The following MAST2 variants were observed in gnomAD, a reference collection of about 807,000 sequenced individuals.
The protein encoded by MAST2 is microtubule associated serine/threonine kinase 2, also known as microtubule-associated serine/threonine-protein kinase 2.
MAST2 carries 70 observed loss-of-function variants against 147.4 expected under a neutral mutation model. That is an observed-to-expected ratio of 0.47 (90% CI 0.39 to 0.58). The LOEUF (loss-of-function observed/expected upper bound fraction) is 0.58, where lower values mean the gene tolerates loss of function less well. MAST2 is among the 20% of genes least tolerant of loss of function. The probability of loss-of-function intolerance (pLI) is 0.00; values close to 1 mark genes in which losing one functional copy is unlikely to be tolerated. For missense variants in MAST2, 2,080 were observed against 2,302.3 expected, an observed-to-expected ratio of 0.90 and a Z score of 1.98; for synonymous variants, 869 against 896.8, an observed-to-expected ratio of 0.97 and a Z score of 0.55.
chr1:45,845,290 C>G (rs1557827168), intron 3 of MAST2, among the ~76,000 whole-genome samples: 1 of 152,058 alleles, frequency 6.6e-6, no homozygotes, highest in African/African-American at 2.4e-5. Flanking sequence ...TGTTTTTACT[C>G]TTATACAAAA....
At position 46,031,577 on chromosome 1, in the gene MAST2, T is replaced by C. The variant is rs1220618067; in HGVS notation, c.3179T>C (p.Ile1060Thr). 1 of 1,611,830 alleles carries C rather than the reference T, an allele frequency of 6.2e-7. No individual in the cohort carries two copies. Among genetic ancestry groups the C allele is most frequent in the Non-Finnish European group, 8.5e-7 (1 of 1,178,214 alleles). ...TCAGCCACAGCCCTCTCACTCCTCATTCCTTCGGGTGAGGCCCCTGGGGAG... is the reference window on the plus strand; with the variant it reads ...TCAGCCACAGCCCTCTCACTCCTCACTCCTTCGGGTGAGGCCCCTGGGGAG... ...SASATALSLL[I>T]PSEHHTCSPL... Residue 1060 changes from isoleucine (I) to threonine (T), a missense_variant, in exon 24 of 29, where the codon ATT (isoleucine) becomes ACT (threonine). By Grantham distance (89) the Ile-to-Thr change is moderately conservative. Transcript: ENST00000361297. The surrounding 1 kb of genome is among the most constrained non-coding windows in gnomAD (Gnocchi z 4.1).
intron 1 of MAST2, among the ~76,000 whole-genome samples, chr1:45,808,200 T>A (rs1374024607): frequency 3.3e-5 from 5 of 152,222 alleles, no homozygotes; most frequent in Non-Finnish European, 5.9e-5. Context: ...TTCCTTTTTG[T>A]CATCCAACAT....
At chr1:45,904,607 A>G (rs1190380349) in intron 4 of MAST2, among the ~76,000 whole-genome samples, 1 of 152,048 alleles carries the variant, frequency 6.6e-6, no homozygotes, top group Admixed American at 6.6e-5. Context: ...CTGGGACTAT[A>G]GACACATGCC....
intron 4 of MAST2, among the ~76,000 whole-genome samples, chr1:45,931,993 G>A (rs1655394060): frequency 6.6e-6 from 1 of 152,182 alleles, no homozygotes; most frequent in Admixed American, 6.5e-5. Context: ...ACCCAGCAAT[G>A]TTGTGTTCTT....
intron 1 of MAST2, among the ~76,000 whole-genome samples, chr1:45,822,187 C>G (rs1217407172): frequency 6.6e-6 from 1 of 152,058 alleles, no homozygotes; most frequent in Admixed American, 6.6e-5. Flanking sequence ...CCGTGCCTGG[C>G]TATTTTCAGT....
intron 3 of MAST2, among the ~76,000 whole-genome samples, chr1:45,831,916 A>G (rs1042754767): frequency 6.6e-6 from 1 of 151,476 alleles, no homozygotes; most frequent in African/African-American, 2.4e-5. Context: ...AGTAGCTGGG[A>G]TTACAGGTGC....
chr1:46,005,761 T>C (rs1169031550), intron 7 of MAST2, among the ~76,000 whole-genome samples: 2 of 152,194 alleles, frequency 1.3e-5, no homozygotes, highest in African/African-American at 4.8e-5. Flanking sequence ...GCACAATACA[T>C]TGGCCAGCTT....
chr1:45,868,808 A>C (rs1646265191), intron 3 of MAST2, among the ~76,000 whole-genome samples: 2 of 152,318 alleles, frequency 1.3e-5, no homozygotes, highest in African/African-American at 2.4e-5. Flanking sequence ...TTTCTTCTTG[A>C]AATTTCATTT....
chr1:45,979,541 A>G (rs1644315249), intron 5 of MAST2, among the ~76,000 whole-genome samples: 1 of 152,034 alleles, frequency 6.6e-6, no homozygotes, highest in African/African-American at 2.4e-5. Context: ...GTAAGTCATT[A>G]ATAACAATCA....
intron 10 of MAST2, among the ~76,000 whole-genome samples, chr1:46,019,344 G>C (rs1646088474): frequency 6.6e-6 from 1 of 152,148 alleles, no homozygotes; most frequent in Admixed American, 6.5e-5. Flanking sequence ...AGGCTTGTTG[G>C]ATGGAGGAGC....
intron 5 of MAST2, among the ~76,000 whole-genome samples, chr1:45,984,724 C>T (rs1473649244): frequency 1.3e-5 from 2 of 152,062 alleles, no homozygotes; most frequent in Admixed American, 1.3e-4. Context: ...ACAGTGGCTC[C>T]CACCTATAAT....
At chr1:46,029,777 C>G in intron 19 of MAST2, 54 bp from the exon 20 acceptor site, 2 of 1,602,520 alleles carry the variant, frequency 1.2e-6, no homozygotes, top group Non-Finnish European at 1.7e-6. Flanking sequence ...ATTTGCTGAC[C>G]TAGACTCCAT....
chr1:45,894,455 C>T (rs1051667118), intron 4 of MAST2, among the ~76,000 whole-genome samples: 1 of 151,952 alleles, frequency 6.6e-6, no homozygotes, highest in African/African-American at 2.4e-5. Context: ...ATGAGGAGCC[C>T]TATGCTTGCT....
intron 4 of MAST2, among the ~76,000 whole-genome samples, chr1:45,925,932 G>T (rs1654294206): frequency 6.6e-6 from 1 of 152,178 alleles, no homozygotes; most frequent in African/African-American, 2.4e-5. Context: ...GTGGCAAATG[G>T]ACAGGTGTTC....
At chr1:45,852,350 T>C (rs1320074978) in intron 3 of MAST2, among the ~76,000 whole-genome samples, 1 of 152,054 alleles carries the variant, frequency 6.6e-6, no homozygotes, top group African/African-American at 2.4e-5. Context: ...CTTCTCTATG[T>C]GAATTATATT....
chr1:45,812,399 C>T (rs1302417081), intron 1 of MAST2, among the ~76,000 whole-genome samples: 2 of 147,274 alleles, frequency 1.4e-5, no homozygotes, highest in Non-Finnish European at 3.0e-5. Context: ...CTGGATGTCT[C>T]TTGGCCTAAA....
Position 45,803,651 on chromosome 1 carries a change from A to T in MAST2, c.-245A>T. ...GAGCCGGCGGCGGGTGGCCTGCCCA[A>T]CGTGTGCTGGGTGGGAGAAGGCGAG... is the stretch of plus-strand genomic sequence containing the variant. On this transcript the variant is annotated 5_prime_UTR_variant, in exon 1 of 29. Transcript: ENST00000361297. 1 of 280,248 alleles carries T rather than the reference A, an allele frequency of 3.6e-6. No homozygotes were observed. The highest frequency in any genetic ancestry group is 6.6e-6 in the Non-Finnish European group (1 of 152,112). The allele number at this position is 280,248 out of a possible 1,614,324, so 17.4% of individuals were successfully genotyped here.
At chr1:45,904,520 TGCATTCGC>T (rs778380403) in intron 4 of MAST2, among the ~76,000 whole-genome samples, 64 of 151,772 alleles carry the variant, frequency 4.2e-4, no homozygotes, top group Non-Finnish European at 8.5e-4. Context: ...TAGGCTGGGG[TGCATTCGC>T]GCAATCACAG....
intron 4 of MAST2, among the ~76,000 whole-genome samples, chr1:45,892,645 A>G (rs1570583110): frequency 6.6e-6 from 1 of 152,168 alleles, no homozygotes; most frequent in Admixed American, 6.5e-5. Context: ...TACCTGCCGC[A>G]GTCCTTTTCC....
Sources: allele counts gnomAD v4.1 joint callset (sites outside exome capture counted in the v4.1 genomes callset), GRCh38; gene constraint gnomAD v4.1.1; non-coding constraint Gnocchi (gnomAD v3.1); transcripts MANE v1.5; gene names NCBI Gene and HGNC (gene_info 2026-07-23, HGNC 2026-07-21).